Variants in LCORL observed in about 807,000 individuals in gnomAD.
LCORL encodes ligand dependent nuclear receptor corepressor like, also known as ligand-dependent nuclear receptor corepressor-like protein.
In LCORL, 41 loss-of-function variants were observed where a neutral mutation model predicts 141.8. The ratio of observed to expected loss-of-function variants is 0.29; its 90% CI spans 0.23 to 0.38. The LOEUF (loss-of-function observed/expected upper bound fraction) is 0.38, where lower values mean the gene tolerates loss of function less well. LCORL is among the 10% of genes least tolerant of loss of function. LCORL has a pLI of 1.00. For synonymous variants in LCORL, 618 were observed against 694.1 expected (o/e 0.89, Z 1.72); for missense variants, 1,759 against 2,035.0 (o/e 0.86, Z 2.61).
At chr4:17,854,530 T>C (rs1724133695) in intron 7 of LCORL, among the ~76,000 whole-genome samples, 1 of 152,132 alleles carries the variant, frequency 6.6e-6, no homozygotes, top group South Asian at 2.1e-4. Context: ...AGACAGATAA[T>C]ACAATCGTTT....
At chr4:17,865,559 T>C (rs1165195592) in intron 7 of LCORL, among the ~76,000 whole-genome samples, 3 of 152,212 alleles carry the variant, frequency 2.0e-5, no homozygotes, top group Non-Finnish European at 4.4e-5. Flanking sequence ...ATATTTTGAA[T>C]TTAATTAAAA....
intron 5 of LCORL, among the ~76,000 whole-genome samples, chr4:17,889,172 C>T (rs1161882889): frequency 3.3e-5 from 5 of 151,996 alleles, no homozygotes; most frequent in African/African-American, 7.2e-5. Context: ...CCAACTATAG[C>T]GCATTTTAAT....
Position 17,878,077 on chromosome 4 carries a change from G to A in LCORL, c.913C>T (p.Gln305Ter). ...CAACAGCAAAGAGAAGCAGCATTCT[G>A]CTCTTGGACTAGAAATTTCAACATA... is the stretch of plus-strand genomic sequence containing the variant. Residue 305 changes from glutamine (Q) to a stop codon, truncating the protein, a stop_gained, in exon 7 of 8, where the codon CAG becomes TAG. Transcript: ENST00000635767. LOFTEE classifies it high-confidence loss of function. 8.1e-7 allele frequency: 1 copy of A among 1,230,586 alleles called. No individual in the cohort carries two copies. Among genetic ancestry groups the A allele is most frequent in the Non-Finnish European group, 1.0e-6 (1 of 986,820 alleles). 76.2% of individuals were successfully genotyped at this position (1,230,586 alleles called of 1,614,324 possible). A position where few individuals can be genotyped will look rare whatever the true frequency, so the allele number is the denominator to read the frequency against.
rs546685333 is a variant in LCORL, at chr4:18,021,074, G to A, written c.154+524C>T. On this transcript the variant is annotated intron_variant, in intron 1 of 7. Coordinates refer to ENST00000635767, the Ensembl canonical transcript of LCORL. This position sits in a 1 kb window ranked among gnomAD's most constrained non-coding sequence, Gnocchi z 5.5. ...AGCGGCCCCCGCCCTGCGAGTGCCC[G>A]TGGGTCTCCAGGTCCAGGTCCCCGG... Among the ~76,000 whole-genome samples the A allele has an allele frequency of 6.6e-6, 1 of 151,974 alleles. No homozygotes were observed. The highest frequency in any genetic ancestry group is 2.4e-5 in the African/African-American group (1 of 41,426).
At chr4:17,998,107 G>A (rs574436086) in intron 1 of LCORL, among the ~76,000 whole-genome samples, 14 of 152,142 alleles carry the variant, frequency 9.2e-5, no homozygotes, top group Middle Eastern at 6.8e-3. Flanking sequence ...ATACCTAAAC[G>A]TATCTAAACA....
chr4:17,942,204 A>G (rs1383434980), intron 4 of LCORL, among the ~76,000 whole-genome samples: 2 of 152,230 alleles, frequency 1.3e-5, no homozygotes, highest in Non-Finnish European at 2.9e-5. Context: ...ATATTTTGAC[A>G]ATAGAGTGAA....
intron 1 of LCORL, among the ~76,000 whole-genome samples, chr4:17,973,645 G>A (rs1005541237): frequency 2.0e-5 from 3 of 151,854 alleles, no homozygotes; most frequent in African/African-American, 4.8e-5. Flanking sequence ...AATGTAAGCC[G>A]TGTGTGGATT....
chr4:17,912,625 G>C, intron 4 of LCORL: 2 of 396,714 alleles, frequency 5.0e-6, no homozygotes, highest in Non-Finnish European at 9.8e-6. Flanking sequence ...AGATGGACCT[G>C]GACTTGATGA....
intron 4 of LCORL, among the ~76,000 whole-genome samples, chr4:17,930,297 G>A (rs1312376712): frequency 6.6e-6 from 1 of 152,188 alleles, no homozygotes; most frequent in African/African-American, 2.4e-5. Context: ...GAGCCCAGAT[G>A]TTTGAGTCCA....
chr4:17,870,647 A>G (rs191954325), intron 7 of LCORL, among the ~76,000 whole-genome samples: 83 of 152,308 alleles, frequency 5.4e-4, no homozygotes, highest in Admixed American at 1.9e-3. Flanking sequence ...CTTAAGGCAT[A>G]TAATATCCCA....
chr4:17,877,491 TTTTTAG>T, exon 7 of LCORL: 13 of 1,230,160 alleles, frequency 1.1e-5, no homozygotes, highest in Non-Finnish European at 1.2e-5. Flanking sequence ...GTTACTGGAT[TTTTTAG>T]TTTTAAGTAT....
At chr4:17,996,082 T>C (rs1295701723) in intron 1 of LCORL, among the ~76,000 whole-genome samples, 2 of 152,134 alleles carry the variant, frequency 1.3e-5, no homozygotes, top group Non-Finnish European at 2.9e-5. Flanking sequence ...AAATGCTAGA[T>C]GCTGTCAGAA....
exon 7 of LCORL, chr4:17,876,601 T>C (rs1726949762): frequency 1.6e-6 from 2 of 1,230,778 alleles, no homozygotes; most frequent in East Asian, 3.2e-5. Flanking sequence ...TTTTTGGCTT[T>C]AGGGGATTTT....
chr4:17,906,192 T>C (rs1731585273), intron 5 of LCORL, among the ~76,000 whole-genome samples: 1 of 152,210 alleles, frequency 6.6e-6, no homozygotes, highest in Non-Finnish European at 1.5e-5. Context: ...AAAGGGTATG[T>C]GCTTCATTTT....
chr4:17,900,725 TA>T (rs1730728304), intron 5 of LCORL, among the ~76,000 whole-genome samples: 2 of 152,070 alleles, frequency 1.3e-5, no homozygotes, highest in African/African-American at 2.4e-5. Flanking sequence ...CTGAATAAAC[TA>T]ATCATGATAT....
exon 8 of LCORL, chr4:17,842,074 C>CTTAT (rs1722464302): frequency 2.5e-6 from 1 of 393,026 alleles, no homozygotes; most frequent in Non-Finnish European, 4.7e-6. Context: ...TTGAAATTTC[C>CTTAT]TTATTTTCCC....
chr4:17,874,691 A>G (rs903692605), exon 7 of LCORL: 22 of 1,233,806 alleles, frequency 1.8e-5, no homozygotes, highest in Non-Finnish European at 2.2e-5. Context: ...CTAATAAGGA[A>G]TCATTTGAAG....
intron 4 of LCORL, among the ~76,000 whole-genome samples, chr4:17,952,825 C>G (rs1383388153): frequency 6.6e-6 from 1 of 152,164 alleles, no homozygotes; most frequent in Admixed American, 6.5e-5. Context: ...TTTCAACACT[C>G]ATGTACTAAG....
At chr4:17,911,646 T>C in intron 4 of LCORL, 1 of 465,448 alleles carries the variant, frequency 2.1e-6, no homozygotes, top group Non-Finnish European at 4.2e-6. Flanking sequence ...GTCTGAGTCC[T>C]GTCCTCTCAC....
Sources: allele counts gnomAD v4.1 joint callset (sites outside exome capture counted in the v4.1 genomes callset), GRCh38; gene constraint gnomAD v4.1.1; non-coding constraint Gnocchi (gnomAD v3.1); transcripts MANE v1.5; gene names NCBI Gene and HGNC (gene_info 2026-07-23, HGNC 2026-07-21).